SGCD: variants seen among roughly 807,000 people sequenced by gnomAD.
The protein encoded by SGCD is sarcoglycan delta.
Under a neutral mutation model 36.6 loss-of-function variants are expected in SGCD, and 18 were observed. That is an observed-to-expected ratio of 0.49 (90% CI 0.34 to 0.73). The LOEUF (loss-of-function observed/expected upper bound fraction) is 0.73, where lower values mean the gene tolerates loss of function less well. Among genes scored for constraint, SGCD ranks in the 30% least tolerant of loss-of-function variants. The pLI is 0.01. For synonymous variants in SGCD, 133 were observed against 130.6 expected (o/e 1.02, Z -0.12); for missense variants, 387 against 346.7 (o/e 1.12, Z -0.92).
At chr5:155,944,423 T>A (rs1006471923) in intron 1 of SGCD, among the ~76,000 whole-genome samples, 2 of 152,198 alleles carry the variant, frequency 1.3e-5, no homozygotes, top group African/African-American at 4.8e-5. Flanking sequence ...CACGTGTTTT[T>A]TTCCTACTCA....
At chr5:155,935,110 C>T (rs1757169957) in intron 1 of SGCD, among the ~76,000 whole-genome samples, 1 of 152,134 alleles carries the variant, frequency 6.6e-6, no homozygotes, top group Admixed American at 6.5e-5. Flanking sequence ...TTGAATCCTC[C>T]TGGTTCCTTT....
intron 1 of SGCD, among the ~76,000 whole-genome samples, chr5:156,008,997 A>G (rs941835249): frequency 6.6e-6 from 1 of 152,186 alleles, no homozygotes; most frequent in African/African-American, 2.4e-5. Context: ...AGTTAATAAG[A>G]AAGTTGGAAT....
At position 156,739,685 on chromosome 5, in the gene SGCD, G is replaced by A. The variant is rs565623869; in HGVS notation, c.576-17896G>A. The stretch of plus-strand genomic sequence containing the variant: ...AAGCTGCAGATGACATATGTTACAG[G>A]AAGATATTTCTACCCAATAAATATA... On this transcript the variant is annotated intron_variant, in intron 7 of 8. Coordinates refer to ENST00000337851, the MANE Select transcript of SGCD (RefSeq NM_000337.6). 2.6e-5 allele frequency: 4 copies of A among 152,224 alleles called. No homozygotes were observed. The South Asian group carries it at 8.3e-4, about 32-fold the overall frequency. 9.4% of individuals were successfully genotyped at this position (152,224 alleles called of 1,614,324 possible). A position where few individuals can be genotyped will look rare whatever the true frequency, so the allele number is the denominator to read the frequency against.
intron 2 of SGCD, among the ~76,000 whole-genome samples, chr5:156,333,758 G>A (rs946759697): frequency 5.0e-5 from 3 of 59,532 alleles, no homozygotes; most frequent in African/African-American, 1.9e-4. Context: ...TCATTTATGT[G>A]TGCTTTCTTT....
intron 6 of SGCD, among the ~76,000 whole-genome samples, chr5:156,627,492 A>G (rs1263028103): frequency 6.6e-6 from 1 of 152,216 alleles, no homozygotes; most frequent in African/African-American, 2.4e-5. Flanking sequence ...GGGAGTCTTT[A>G]TATGATCCAG....
chr5:156,037,745 C>T lies in SGCD; in HGVS notation c.-281-80133C>T, dbSNP rs143016010. Among the ~76,000 whole-genome samples the T allele has an allele frequency of 5.5e-3, 833 of 152,252 alleles. 6 individuals carry two copies. Among genetic ancestry groups the T allele is most frequent in the African/African-American group, 0.019 (801 of 41,562 alleles). The stretch of plus-strand genomic sequence containing the variant: ...GGAAAATTTGCAGACACAGGTCTTG[C>T]ACGTGTTAATTCCCTGCCAATGTAG... On this transcript the variant is annotated intron_variant, in intron 1 of 9. Transcript: ENST00000517913.
rs1167853141 is a variant in SGCD at position 156,065,445 on chromosome 5, A to G, written c.-281-52433A>G. On this transcript the variant is annotated intron_variant, in intron 1 of 9. Coordinates refer to the SGCD transcript ENST00000517913. ...GGGGTGGAGAGTTCTGTAGATGTCT[A>G]TTAGGTCTGCTTGGTGCAGAGCTGA... 4.2e-4 allele frequency among the ~76,000 whole-genome samples: 51 copies of G among 120,098 alleles called. 1 individual carries two copies. The highest frequency in any genetic ancestry group is 1.8e-3 in the African/African-American group (48 of 26,152). 78.8% of individuals were successfully genotyped at this position (120,098 alleles called of 152,430 possible).
At chr5:155,753,326 A>C in the SGCD span, among the ~76,000 whole-genome samples, 1 of 133,336 alleles carries the variant, frequency 7.5e-6, no homozygotes, top group East Asian at 2.2e-4. Flanking sequence ...ACAGAGCGAG[A>C]CTTTGTCTAA....
intron 1 of SGCD, among the ~76,000 whole-genome samples, chr5:156,017,319 A>C (rs190011123): frequency 2.1e-4 from 32 of 152,238 alleles, no homozygotes; most frequent in Admixed American, 4.6e-4. Flanking sequence ...TTCCCCATGC[A>C]AAAGTTTTTT....
At chr5:156,071,908 C>G (rs920770592) in intron 1 of SGCD, among the ~76,000 whole-genome samples, 51 of 152,006 alleles carry the variant, frequency 3.4e-4, no homozygotes, top group Non-Finnish European at 6.3e-4. Context: ...CTCTTTTGAT[C>G]TTTGTTGGTT....
At chr5:156,012,148 A>G (rs777591116) in intron 1 of SGCD, among the ~76,000 whole-genome samples, 2 of 152,220 alleles carry the variant, frequency 1.3e-5, no homozygotes, top group Non-Finnish European at 2.9e-5. Context: ...ATGACAATGG[A>G]TCTCTAAATG....
chr5:155,753,286 G>A, the SGCD span, among the ~76,000 whole-genome samples: 6 of 150,054 alleles, frequency 4.0e-5, 1 homozygote, highest in African/African-American at 1.3e-4. Flanking sequence ...GCAGTGAGCC[G>A]AGATCGCACC....
At chr5:155,738,734 G>C in the SGCD span, among the ~76,000 whole-genome samples, 2 of 150,524 alleles carry the variant, frequency 1.3e-5, no homozygotes, top group Admixed American at 1.3e-4. Flanking sequence ...GTGTGTGAGA[G>C]AGTGTGTGCA....
At chr5:155,755,049 A>C in the SGCD span, among the ~76,000 whole-genome samples, 2 of 152,194 alleles carry the variant, frequency 1.3e-5, no homozygotes, top group Non-Finnish European at 2.9e-5. Flanking sequence ...AATGTACATT[A>C]AACTCTGTCT....
chr5:156,201,040 T>C (rs969545270), intron 3 of SGCD, among the ~76,000 whole-genome samples: 10 of 152,060 alleles, frequency 6.6e-5, no homozygotes, highest in African/African-American at 2.4e-5. Flanking sequence ...ATGAAATATC[T>C]AAAATAGTCA....
intron 6 of SGCD, among the ~76,000 whole-genome samples, chr5:156,615,006 T>G (rs2113475483): frequency 6.6e-6 from 1 of 152,358 alleles, no homozygotes; most frequent in African/African-American, 2.4e-5. Context: ...CACAAAAGAA[T>G]TAGGCTTATA....
chr5:156,183,594 G>A (rs1239586398), intron 3 of SGCD, among the ~76,000 whole-genome samples: 1 of 152,120 alleles, frequency 6.6e-6, no homozygotes, highest in Non-Finnish European at 1.5e-5. Flanking sequence ...TTTTAGTAGA[G>A]ACGAGGTTTC....
intron 3 of SGCD, among the ~76,000 whole-genome samples, chr5:156,364,792 G>A (rs1769999641): frequency 6.6e-6 from 1 of 152,154 alleles, no homozygotes. Context: ...TAAAGCAAAA[G>A]TACACACTGG....
At chr5:156,325,756 TG>T (rs1178610068), upstream of SGCD, among the ~76,000 whole-genome samples, 1 of 152,178 alleles carries the variant, frequency 6.6e-6, no homozygotes, top group African/African-American at 2.4e-5. Context: ...GGAAACAATT[TG>T]GATTGGATGA....
Sources: gnomAD v4.1 joint callset for allele counts (sites outside exome capture counted in the v4.1 genomes callset) on GRCh38, gnomAD v4.1.1 for gene constraint, MANE v1.5 for transcripts, NCBI Gene and HGNC (gene_info 2026-07-23, HGNC 2026-07-21) for gene names.